The following CCDC40 variants were observed in gnomAD, a reference collection of about 807,000 sequenced individuals.
CCDC40 encodes the protein coiled-coil domain-containing protein 40.
CCDC40 carries 104 observed loss-of-function variants against 124.5 expected under a neutral mutation model. That is an observed-to-expected ratio of 0.84 (90% confidence interval 0.71 to 0.98). The LOEUF (loss-of-function observed/expected upper bound fraction) is 0.98. Among genes scored for constraint, CCDC40 ranks in the 50% least tolerant of loss-of-function variants. CCDC40 has a pLI of 0.00. For synonymous variants in CCDC40, 580 were observed against 602.9 expected (o/e 0.96, Z 0.56); for missense variants, 1,463 against 1,503.9 (o/e 0.97, Z 0.45).
At position 80,066,351 on chromosome 17, in the gene CCDC40, C is replaced by G; in HGVS notation, c.1562+745C>G. 1.7e-6 allele frequency: 1 copy of G among 574,932 alleles called. No individual in the cohort carries two copies. The highest frequency in any genetic ancestry group is 3.1e-6 in the Non-Finnish European group (1 of 321,500). The allele number at this position is 574,932 out of a possible 1,614,324, so 35.6% of individuals were successfully genotyped here. On this transcript the variant is annotated intron_variant, in intron 10 of 19. Coordinates refer to ENST00000397545, the MANE Select transcript of CCDC40 (RefSeq NM_017950.4). This position sits in a 1 kb window ranked among gnomAD's most constrained non-coding sequence, Gnocchi z 4.4. ...CAGGCAGCCAGCAGCAGTCACACAA[C>G]CAGGAGATGCTTTTCCTTTTGGGTG...
intron 17 of CCDC40, among the ~76,000 whole-genome samples, chr17:80,093,393 G>A (rs969969505): frequency 2.0e-5 from 3 of 152,144 alleles, no homozygotes; most frequent in African/African-American, 7.2e-5. Context: ...ATGTTGGCCA[G>A]GCTGGCCTTG....
At chr17:80,063,479 A>G (rs2143668137) in intron 9 of CCDC40, among the ~76,000 whole-genome samples, 1 of 152,232 alleles carries the variant, frequency 6.6e-6, no homozygotes, top group African/African-American at 2.4e-5. Context: ...CGGCAGCCTC[A>G]GGGGCACCAT....
intron 1 of CCDC40, among the ~76,000 whole-genome samples, chr17:80,037,406 TA>T (rs111290117): frequency 1.3e-5 from 2 of 151,962 alleles, no homozygotes; most frequent in Non-Finnish European, 2.9e-5. Context: ...TTCATTTTTT[TA>T]AAGGTGGGTC....
At chr17:80,057,677 T>C (rs544184648) in intron 7 of CCDC40, among the ~76,000 whole-genome samples, 128 of 151,794 alleles carry the variant, frequency 8.4e-4, no homozygotes, top group African/African-American at 2.5e-3. Flanking sequence ...GAGATGGAGA[T>C]TATCCTGGCT....
At chr17:80,090,742 C>A in intron 17 of CCDC40, 1 of 1,392,820 alleles carries the variant, frequency 7.2e-7, no homozygotes, top group Non-Finnish European at 9.3e-7. Flanking sequence ...GGTCATCAAG[C>A]TAAAGGTTCA....
At chr17:80,044,318 A>C (rs2037357207) in intron 3 of CCDC40, among the ~76,000 whole-genome samples, 1 of 152,234 alleles carries the variant, frequency 6.6e-6, no homozygotes, top group Non-Finnish European at 1.5e-5. Flanking sequence ...GTATTTGGTG[A>C]GCCCTAATTA....
chr17:80,050,014 C>T lies in CCDC40; in HGVS notation c.939+25C>T, dbSNP rs767132650. On this transcript the variant is annotated intron_variant, in intron 6 of 19. Transcript: ENST00000397545. Reference sequence around the variant, plus strand: ...GGTGTGTATCCGTCCAGTCTCCCACCCTGGTCGGATGCCTGCGTCCTGGTG... The same window carrying T: ...GGTGTGTATCCGTCCAGTCTCCCACTCTGGTCGGATGCCTGCGTCCTGGTG... 13 of 1,612,650 alleles carry T rather than the reference C, an allele frequency of 8.1e-6. No homozygotes were observed. In the Admixed American group the frequency reaches 2.2e-4, roughly 27 times the overall value.
At chr17:80,051,990 C>T (rs529684643) in intron 7 of CCDC40, among the ~76,000 whole-genome samples, 5 of 130,410 alleles carry the variant, frequency 3.8e-5, no homozygotes, top group Non-Finnish European at 9.1e-5. Flanking sequence ...CTGCGTCAAA[C>T]AGCACCGTCT....
intron 16 of CCDC40, 136 bp downstream of exon 16, chr17:80,088,238 T>A: frequency 1.4e-6 from 1 of 724,646 alleles, no homozygotes; most frequent in Non-Finnish European, 2.5e-6. Context: ...TTTTTTGTTG[T>A]TGTTTTGTTT....
chr17:80,085,824 C>G (rs189958154), intron 13 of CCDC40, among the ~76,000 whole-genome samples, 179 bp from the exon 14 acceptor site: 2 of 152,158 alleles, frequency 1.3e-5, no homozygotes, highest in East Asian at 3.9e-4. Context: ...TGTGCACCAG[C>G]ACACCTGGCT....
chr17:80,058,450 C>T lies in CCDC40; in HGVS notation c.1160-44C>T, dbSNP rs761728891. 1.3e-6 allele frequency: 2 copies of T among 1,595,966 alleles called. No homozygotes were observed. Among genetic ancestry groups the T allele is most frequent in the Non-Finnish European group, 1.7e-6 (2 of 1,166,642 alleles). ...TGCATGGGGGACGCTGGGACAGCCTCCCCACTCACTCTCTCTCTCTTTCTC... is the reference window on the plus strand; with the variant it reads ...TGCATGGGGGACGCTGGGACAGCCTTCCCACTCACTCTCTCTCTCTTTCTC... On this transcript the variant is annotated intron_variant, in intron 7 of 19. Coordinates refer to ENST00000397545, the MANE Select transcript of CCDC40 (RefSeq NM_017950.4). The surrounding 1 kb of genome is among the most constrained non-coding windows in gnomAD (Gnocchi z 4.2).
chr17:80,091,587 T>C (rs1488899780), intron 17 of CCDC40, among the ~76,000 whole-genome samples: 1 of 133,422 alleles, frequency 7.5e-6, no homozygotes, highest in Non-Finnish European at 1.5e-5. Flanking sequence ...TTGGATGATG[T>C]CACCCAGCCT....
At chr17:80,079,869 C>T (rs1018987885) in intron 10 of CCDC40, among the ~76,000 whole-genome samples, 2 of 150,742 alleles carry the variant, frequency 1.3e-5, no homozygotes, top group Non-Finnish European at 2.9e-5. Flanking sequence ...AGGTTGCAGT[C>T]AGCCGAGATC....
rs533490359 is a variant in CCDC40 at position 80,065,245 on chromosome 17, C to A, written c.1441-240C>A. Reference sequence around the variant, plus strand: ...TCCTCCCTCTCCTCCCTTCCCTCCTCCTCCTCATTCCCAAGCACTGAGCAC... The same window carrying A: ...TCCTCCCTCTCCTCCCTTCCCTCCTACTCCTCATTCCCAAGCACTGAGCAC... On this transcript the variant is annotated intron_variant, in intron 9 of 19. Transcript: ENST00000397545. Among the ~76,000 whole-genome samples, 5 of 137,516 alleles carry A rather than the reference C, an allele frequency of 3.6e-5. No homozygotes were observed. In the East Asian group the frequency reaches 6.6e-4, roughly 18 times the overall value. 90.2% of individuals were successfully genotyped at this position (137,516 alleles called of 152,430 possible).
At chr17:80,089,600 C>A in intron 16 of CCDC40, 164 bp from the exon 17 acceptor site, 1 of 691,064 alleles carries the variant, frequency 1.4e-6, no homozygotes, top group Non-Finnish European at 2.5e-6. Flanking sequence ...GCATAAGGAG[C>A]CCAGTAGTGA....
chr17:80,076,873 G>A (rs2038322888), intron 10 of CCDC40, among the ~76,000 whole-genome samples: 1 of 151,782 alleles, frequency 6.6e-6, no homozygotes, highest in African/African-American at 2.4e-5. Context: ...AGCCTCCTCA[G>A]TAGCTGGGAT....
chr17:80,043,985 C>T (rs889393896), intron 3 of CCDC40, among the ~76,000 whole-genome samples: 3 of 152,044 alleles, frequency 2.0e-5, no homozygotes, highest in Non-Finnish European at 4.4e-5. Flanking sequence ...AATTGTTCTG[C>T]GAGGGGAGAT....
At chr17:80,061,800 CT>C (rs2143661571) in intron 9 of CCDC40, among the ~76,000 whole-genome samples, 1 of 152,274 alleles carries the variant, frequency 6.6e-6, no homozygotes, top group Non-Finnish European at 1.5e-5. Flanking sequence ...ACAGATTGGC[CT>C]TTATCTTTAT....
chr17:80,068,036 T>A, intron 10 of CCDC40: 1 of 1,013,640 alleles, frequency 9.9e-7, no homozygotes, highest in Non-Finnish European at 1.2e-6. Flanking sequence ...TTATTTATTA[T>A]ATTTTTGTGG....
Sources: allele counts gnomAD v4.1 joint callset (sites outside exome capture counted in the v4.1 genomes callset), GRCh38; gene constraint gnomAD v4.1.1; non-coding constraint Gnocchi (gnomAD v3.1); transcripts MANE v1.5; gene names NCBI Gene and HGNC (gene_info 2026-07-23, HGNC 2026-07-21).